INTS3: variants seen among roughly 807,000 people sequenced by gnomAD.
INTS3 encodes the protein integrator complex subunit 3.
INTS3 carries 34 observed loss-of-function variants against 146.3 expected under a neutral mutation model. The observed-to-expected ratio is 0.23, with a 90% CI of 0.18 to 0.31. The LOEUF is 0.31. INTS3 is among the 10% of genes least tolerant of loss of function. The pLI, the probability that INTS3 is intolerant of heterozygous loss-of-function variation, is 1.00. For synonymous variants in INTS3, 475 were observed against 494.9 expected (o/e 0.96, Z 0.53); for missense variants, 757 against 1,304.2 (o/e 0.58, Z 6.46).
intron 1 of INTS3, among the ~76,000 whole-genome samples, chr1:153,736,763 T>TC (rs1000548707): frequency 2.9e-5 from 4 of 136,940 alleles, no homozygotes; most frequent in Non-Finnish European, 6.3e-5. Flanking sequence ...CTTTCATTCT[T>TC]TTTTTTTTTT....
chr1:153,770,634 C>A, intron 24 of INTS3, 51 bp from the exon 25 acceptor site: 1 of 1,509,142 alleles, frequency 6.6e-7, no homozygotes. Context: ...CCCCAGATTC[C>A]ATCCTGGAAT....
chr1:153,739,105 C>G (rs528476967), intron 1 of INTS3, among the ~76,000 whole-genome samples: 7 of 152,098 alleles, frequency 4.6e-5, no homozygotes, highest in Admixed American at 2.6e-4. Flanking sequence ...ACTCTGTCGC[C>G]CAGGCTGGAG....
intron 1 of INTS3, among the ~76,000 whole-genome samples, chr1:153,736,019 A>T (rs572039353): frequency 6.6e-6 from 1 of 152,328 alleles, no homozygotes; most frequent in African/African-American, 2.4e-5. Flanking sequence ...GGCGTGAGCC[A>T]CTGTGCCTGG....
At chr1:153,751,373 A>G (rs1330413740) in intron 7 of INTS3, 134 bp downstream of exon 7, 1 of 857,382 alleles carries the variant, frequency 1.2e-6, no homozygotes, top group African/African-American at 1.7e-5. Context: ...TCCATCATTC[A>G]TCAACAGATG....
At position 153,763,445 on chromosome 1, in the gene INTS3, G is replaced by A. The variant is rs533979361; in HGVS notation, c.1766+83G>A. 232 of 1,449,928 alleles carry A rather than the reference G, an allele frequency of 1.6e-4. 3 individuals carry two copies. In the African/African-American group the frequency reaches 3.0e-3, roughly 19 times the overall value. 89.8% of individuals were successfully genotyped at this position (1,449,928 alleles called of 1,614,324 possible). On this transcript the variant is annotated intron_variant, in intron 16 of 29. Transcript: ENST00000318967. ...TGCTTAATGGGTATAGCAGGAGATG[G>A]GGGTTGGAGGCAAACATGATAGGAG...
intron 2 of INTS3, 142 bp from the exon 3 acceptor site, chr1:153,741,138 TTTAAG>T (rs1222795630): frequency 4.3e-6 from 3 of 703,272 alleles, no homozygotes; most frequent in Non-Finnish European, 7.6e-6. Context: ...AAAAATCTCT[TTTAAG>T]AGAAGGAAAT....
At chr1:153,746,010 C>T (rs1284906149) in intron 3 of INTS3, among the ~76,000 whole-genome samples, 1 of 152,160 alleles carries the variant, frequency 6.6e-6, no homozygotes, top group African/African-American at 2.4e-5. Flanking sequence ...AAGTTCGAAG[C>T]TGCAATGAGC....
chr1:153,751,575 G>T (rs1348073482), intron 7 of INTS3, among the ~76,000 whole-genome samples: 2 of 152,160 alleles, frequency 1.3e-5, no homozygotes, highest in African/African-American at 2.4e-5. Flanking sequence ...CCATGGTCTA[G>T]TGGGATTATG....
At chr1:153,752,513 G>A (rs1031921648) in intron 8 of INTS3, 105 bp downstream of exon 8, 10 of 1,232,280 alleles carry the variant, frequency 8.1e-6, no homozygotes, top group Non-Finnish European at 1.1e-5. Context: ...AGTCTTTGGT[G>A]GTCAGATTTA....
At chr1:153,747,620 A>G (rs768699714) in intron 5 of INTS3, 4 of 536,216 alleles carry the variant, frequency 7.5e-6, no homozygotes, top group South Asian at 4.9e-5. Flanking sequence ...TATTTGGCCT[A>G]TTTTAGCCAG....
chr1:153,747,173 A>G, intron 4 of INTS3, 103 bp downstream of exon 4: 1 of 1,247,044 alleles, frequency 8.0e-7, no homozygotes, highest in Non-Finnish European at 1.2e-6. Context: ...CACCCCTATC[A>G]TTGTGTGTCT....
At chr1:153,771,451 A>AGGGTAG (rs1672862130) in intron 25 of INTS3, among the ~76,000 whole-genome samples, 1 of 151,726 alleles carries the variant, frequency 6.6e-6, no homozygotes, top group Admixed American at 6.5e-5. Context: ...CAGCTTTAGC[A>AGGGTAG]GGGTAGGGGT....
chr1:153,761,178 T>C (rs556015639), intron 13 of INTS3: 5 of 865,366 alleles, frequency 5.8e-6, no homozygotes, highest in African/African-American at 1.7e-5. Context: ...GTTAGACTGA[T>C]TGTGCTTAGA....
intron 1 of INTS3, among the ~76,000 whole-genome samples, chr1:153,734,189 T>G (rs1671199151): frequency 6.6e-6 from 1 of 152,196 alleles, no homozygotes; most frequent in African/African-American, 2.4e-5. Flanking sequence ...AGAGCCATTC[T>G]GCCAGCAGTT....
At position 153,728,749 on chromosome 1, in the gene INTS3, T is replaced by A; in HGVS notation, c.115T>A (p.Ser39Thr). Residue 39 changes from serine to threonine, a missense_variant, in exon 1 of 30, where the codon TCA (serine) becomes ACA (threonine). This residue lies in a region of INTS3 where 160 missense variants were observed against 193.7 expected (regional missense o/e 0.83). Transcript: ENST00000318967. The part of the protein sequence containing the change: ...GAPGGGRLLL[S>T]TSLDAKDELE... ...CCCAGGAGGGGGGAGGCTGCTACTT[T>A]CAACCAGTTTGGATGCCAAGGATGA... The A allele has an allele frequency of 6.2e-7, 1 of 1,608,510 alleles. No individual in the cohort carries two copies. The highest frequency in any genetic ancestry group is 8.5e-7 in the Non-Finnish European group (1 of 1,177,450).
At chr1:153,755,371 C>A (rs1458073779) in intron 9 of INTS3, among the ~76,000 whole-genome samples, 1 of 152,138 alleles carries the variant, frequency 6.6e-6, no homozygotes, top group African/African-American at 2.4e-5. Flanking sequence ...TCAAGTGATT[C>A]TCCTGCCTCA....
intron 1 of INTS3, among the ~76,000 whole-genome samples, chr1:153,734,506 A>G (rs956709890): frequency 6.6e-6 from 1 of 152,152 alleles, no homozygotes; most frequent in Non-Finnish European, 1.5e-5. Flanking sequence ...CTCACTTTCT[A>G]CAACCTTAGC....
intron 2 of INTS3, 136 bp downstream of exon 2, chr1:153,740,870 C>T (rs2101788028): frequency 4.2e-6 from 3 of 717,604 alleles, no homozygotes; most frequent in South Asian, 1.5e-5. Flanking sequence ...AATCAAATTT[C>T]TCAATTCTTC....
In INTS3 at chr1:153,770,127, TG is replaced by T. The variant is rs371912410; in HGVS notation, c.2390-63del. 1,024 of 298,934 alleles carry T rather than the reference TG, an allele frequency of 3.4e-3. 12 individuals carry two copies. In the African/African-American group the frequency reaches 0.045, roughly 13 times the overall value. 18.5% of individuals were successfully genotyped at this position (298,934 alleles called of 1,614,324 possible). A position where few individuals can be genotyped will look rare whatever the true frequency, so the allele number is the denominator to read the frequency against. Reference sequence around the variant, plus strand: ...TGCTGGTAGTCAGTGGATGGGGGGGTGGGGGGGGTGTGTGTGTGTGTGTGTT... The same window carrying T: ...TGCTGGTAGTCAGTGGATGGGGGGGTGGGGGGGTGTGTGTGTGTGTGTGTT... On this transcript the variant is annotated intron_variant, in intron 23 of 29. Transcript: ENST00000318967.
Sources: gnomAD v4.1 joint callset for allele counts (sites outside exome capture counted in the v4.1 genomes callset) on GRCh38, gnomAD v4.1.1 for gene constraint, gnomAD v4.1.1 regional missense constraint, MANE v1.5 for transcripts, NCBI Gene and HGNC (gene_info 2026-07-23, HGNC 2026-07-21) for gene names.